Variants in XIRP2 observed in about 807,000 individuals in gnomAD.
The protein encoded by XIRP2 is xin actin binding repeat containing 2.
Under a neutral mutation model 277.0 loss-of-function variants are expected in XIRP2, and 236 were observed. That is an observed-to-expected ratio of 0.85 (90% CI 0.77 to 0.95). XIRP2 has a LOEUF of 0.95. Ranked by LOEUF, XIRP2 falls within the 40% of genes least tolerant of loss-of-function variation. The probability of loss-of-function intolerance (pLI) is 0.00; values close to 1 mark genes in which losing one functional copy is unlikely to be tolerated. For missense variants in XIRP2, 4,640 were observed against 4,157.5 expected (o/e 1.12, Z -3.19); for synonymous variants, 1,490 against 1,416.5 (o/e 1.05, Z -1.17).
intron 2 of XIRP2, among the ~76,000 whole-genome samples, chr2:167,121,956 C>T (rs1691068493): frequency 1.3e-5 from 2 of 152,132 alleles, no homozygotes; most frequent in Non-Finnish European, 2.9e-5. Context: ...CCTCTCAAAG[C>T]TCAAATAGCA....
At chr2:166,967,163 C>G (rs746106481) in intron 2 of XIRP2, among the ~76,000 whole-genome samples, 14 of 151,792 alleles carry the variant, frequency 9.2e-5, no homozygotes, top group Admixed American at 3.9e-4. Context: ...ACTCATTTTA[C>G]CACCATAGTA....
In XIRP2 at chr2:167,250,566, T is replaced by C. The variant is rs1249650764; in HGVS notation, c.9174T>C (p.Asn3058=). 2 of 1,613,598 alleles carry C rather than the reference T, an allele frequency of 1.2e-6. No individual in the cohort carries two copies. The highest frequency in any genetic ancestry group is 1.1e-5 in the South Asian group (1 of 91,054). Residue 3058 remains asparagine, a synonymous_variant, in exon 9 of 11, where the codon AAT becomes AAC. Coordinates refer to ENST00000409195, the MANE Select transcript of XIRP2 (RefSeq NM_152381.6). ...SLDETSSKVS[N]VHVSNNKNSE... The stretch of plus-strand genomic sequence containing the variant: ...ATGAAACATCATCCAAAGTATCTAA[T>C]GTTCATGTCAGCAATAATAAAAATA...
intron 3 of XIRP2, chr2:167,184,685 T>C (rs749351611): frequency 1.4e-6 from 1 of 707,052 alleles, no homozygotes; most frequent in Non-Finnish European, 2.6e-6. Flanking sequence ...CTGGGTCTCA[T>C]TGGTTTGGCT....
Position 167,250,669 on chromosome 2 carries a change from C to T in XIRP2, c.9277C>T (p.Arg3093Cys), listed in dbSNP as rs267598988. 1.4e-5 allele frequency: 22 copies of T among 1,613,460 alleles called. No individual in the cohort carries two copies. Among genetic ancestry groups the T allele is most frequent in the East Asian group, 2.2e-5 (1 of 44,808 alleles). The change falls in exon 9 of 11, where the codon CGT (arginine) becomes TGT (cysteine). Residue 3093 changes from arginine to cysteine, a missense_variant. Transcript: ENST00000409195. ...QVAAHHEATV[R>C]SHVKTHQEIK... ...AGCAGCTCATCATGAAGCAACTGTT[C>T]GTAGTCACGTGAAAACCCATCAGGA... is the stretch of plus-strand genomic sequence containing the variant.
At chr2:167,173,876 G>T (rs1022970409) in intron 3 of XIRP2, among the ~76,000 whole-genome samples, 1 of 152,128 alleles carries the variant, frequency 6.6e-6, no homozygotes, top group East Asian at 1.9e-4. Flanking sequence ...GTGATGGTGA[G>T]CACTTTTTCA....
intron 2 of XIRP2, among the ~76,000 whole-genome samples, chr2:167,017,589 A>T (rs570156349): frequency 6.6e-6 from 1 of 152,116 alleles, no homozygotes; most frequent in East Asian, 1.9e-4. Flanking sequence ...AAGAGCTAGG[A>T]GTTATGAGTA....
intron 2 of XIRP2, among the ~76,000 whole-genome samples, chr2:166,937,462 A>G (rs977492499): frequency 5.3e-5 from 8 of 152,156 alleles, no homozygotes; most frequent in Non-Finnish European, 1.2e-4. Context: ...GTCATGGTGG[A>G]TAAGGTTTTT....
At chr2:167,124,138 T>C (rs906190224) in intron 2 of XIRP2, 1 of 152,052 alleles carries the variant, frequency 6.6e-6, no homozygotes, top group Admixed American at 6.6e-5. Flanking sequence ...GTAATAGAAA[T>C]ATCATGAGAA....
chr2:167,143,728 A>G (rs1334015528), intron 3 of XIRP2, among the ~76,000 whole-genome samples: 1 of 152,096 alleles, frequency 6.6e-6, no homozygotes, highest in Non-Finnish European at 1.5e-5. Context: ...TCGTTGACAT[A>G]TTTTAACAAT....
chr2:166,940,259 T>C (rs1421629205), intron 2 of XIRP2, among the ~76,000 whole-genome samples: 1 of 152,248 alleles, frequency 6.6e-6, no homozygotes, highest in East Asian at 1.9e-4. Flanking sequence ...GCTTGTGCAT[T>C]CATCACGTAG....
rs146359398 is a variant in XIRP2 at position 166,902,256 on chromosome 2, C to T, written c.-18-1209C>T. Among the ~76,000 whole-genome samples, 356 of 152,160 alleles carry T rather than the reference C, an allele frequency of 2.3e-3. 3 individuals carry two copies. Among genetic ancestry groups the T allele is most frequent in the African/African-American group, 7.7e-3 (320 of 41,542 alleles). On this transcript the variant is annotated intron_variant, in intron 1 of 10. Transcript: ENST00000409195. ...GTTCGGAGTAGAAAATATCACCAGG[C>T]AGTTCACATAATTAGGGAAACTATT...
intron 2 of XIRP2, among the ~76,000 whole-genome samples, chr2:166,917,454 T>C (rs1284054838): frequency 6.6e-6 from 1 of 152,222 alleles, no homozygotes; most frequent in Non-Finnish European, 1.5e-5. Flanking sequence ...ACTTACATGT[T>C]TGCTATTTTA....
At chr2:167,105,805 T>C (rs893496540) in intron 2 of XIRP2, among the ~76,000 whole-genome samples, 1 of 151,816 alleles carries the variant, frequency 6.6e-6, no homozygotes, top group African/African-American at 2.4e-5. Context: ...TCCACACCCT[T>C]GGAGCATTTA....
At position 167,054,643 on chromosome 2, in the gene XIRP2, C is replaced by A. The variant is rs1353102815; in HGVS notation, c.409-81266C>A. Among the ~76,000 whole-genome samples, 3 of 149,296 alleles carry A rather than the reference C, an allele frequency of 2.0e-5. No individual in the cohort carries two copies. In the East Asian group the frequency reaches 5.9e-4, roughly 30 times the overall value. On this transcript the variant is annotated intron_variant, in intron 2 of 10. Transcript: ENST00000409195. ...AGGTTGCAGTGAGCTGAAATCGCAC[C>A]ACTGCACTCCAGCCTGGGCAACAGA...
At chr2:167,252,173 A>G (rs1695531608) in intron 9 of XIRP2, among the ~76,000 whole-genome samples, 1 of 152,044 alleles carries the variant, frequency 6.6e-6, no homozygotes. Context: ...GAGAATAACA[A>G]ATACTATTAT....
intron 2 of XIRP2, among the ~76,000 whole-genome samples, chr2:166,926,836 A>G (rs1240507275): frequency 1.3e-5 from 2 of 152,206 alleles, no homozygotes; most frequent in East Asian, 3.9e-4. Context: ...AGAATCTACA[A>G]ATAAATAAAC....
At chr2:167,225,400 A>G in intron 5 of XIRP2, among the ~76,000 whole-genome samples, 1 of 152,296 alleles carries the variant, frequency 6.6e-6, no homozygotes. Context: ...GAAGGGAAAG[A>G]AAAGGTAGAG....
intron 2 of XIRP2, among the ~76,000 whole-genome samples, chr2:166,908,607 C>T (rs1194615261): frequency 1.3e-5 from 2 of 152,150 alleles, no homozygotes; most frequent in Non-Finnish European, 2.9e-5. Context: ...TGTGCAGAAG[C>T]TCTTTAGTTT....
chr2:167,137,550 C>A (rs2105320086), intron 3 of XIRP2, among the ~76,000 whole-genome samples: 1 of 152,296 alleles, frequency 6.6e-6, no homozygotes, highest in Non-Finnish European at 1.5e-5. Context: ...TAACTCCACT[C>A]ATCACATCTT....
Sources: gnomAD v4.1 joint callset for allele counts (sites outside exome capture counted in the v4.1 genomes callset) on GRCh38, gnomAD v4.1.1 for gene constraint, MANE v1.5 for transcripts, NCBI Gene and HGNC (gene_info 2026-07-23, HGNC 2026-07-21) for gene names.